RAP1GDS1: variants seen among roughly 807,000 people sequenced by gnomAD.
RAP1GDS1 encodes Rap1 GTPase-GDP dissociation stimulator 1, also known as RAP1, GTP-GDP dissociation stimulator 1.
Under a neutral mutation model 71.1 loss-of-function variants are expected in RAP1GDS1, and 35 were observed. The observed-to-expected ratio is 0.49, with a 90% CI of 0.38 to 0.65. RAP1GDS1 has a LOEUF of 0.65. Ranked by LOEUF, RAP1GDS1 falls within the 30% of genes least tolerant of loss-of-function variation. The pLI, the probability that RAP1GDS1 is intolerant of heterozygous loss-of-function variation, is 0.00. For missense variants in RAP1GDS1, 663 were observed against 706.1 expected (o/e 0.94, Z 0.69); for synonymous variants, 229 against 243.1 (o/e 0.94, Z 0.54).
At chr4:98,437,835 A>G (rs1234510412) in intron 14 of RAP1GDS1, among the ~76,000 whole-genome samples, 1 of 151,608 alleles carries the variant, frequency 6.6e-6, no homozygotes, top group Non-Finnish European at 1.5e-5. Context: ...TCATTGGTAT[A>G]TCTTCTATGG....
At chr4:98,337,310 TCTTA>T in intron 2 of RAP1GDS1, among the ~76,000 whole-genome samples, 1 of 152,362 alleles carries the variant, frequency 6.6e-6, no homozygotes, top group African/African-American at 2.4e-5. Context: ...CACTCAGTTG[TCTTA>T]CTTTAGTTCT....
intron 5 of RAP1GDS1, among the ~76,000 whole-genome samples, chr4:98,387,684 G>T (rs1033616601): frequency 6.6e-6 from 1 of 152,190 alleles, no homozygotes; most frequent in African/African-American, 2.4e-5. Context: ...TGTCTGTGAT[G>T]TGTGTCAGGA....
At chr4:98,397,452 G>A (rs899048457) in intron 6 of RAP1GDS1, among the ~76,000 whole-genome samples, 12 of 152,142 alleles carry the variant, frequency 7.9e-5, no homozygotes, top group South Asian at 4.1e-4. Flanking sequence ...GCGTAACATA[G>A]TGAGACCTCC....
rs542040941 is a variant in RAP1GDS1 at position 98,349,129 on chromosome 4, T to G, written c.236-3347T>G. Among the ~76,000 whole-genome samples the G allele has an allele frequency of 3.9e-5, 6 of 152,352 alleles. No homozygotes were observed. In the East Asian group the frequency reaches 1.2e-3, roughly 29 times the overall value. Reference sequence around the variant, plus strand: ...TAACATTTAAGTCTTTAATCCATCTTGAATGAATTTTTGTATAAGGTGTAA... The same window carrying G: ...TAACATTTAAGTCTTTAATCCATCTGGAATGAATTTTTGTATAAGGTGTAA... On this transcript the variant is annotated intron_variant, in intron 3 of 14. Transcript: ENST00000408927.
At position 98,352,601 on chromosome 4, in the gene RAP1GDS1, C is replaced by T; in HGVS notation, c.361C>T (p.His121Tyr). 3.1e-6 allele frequency: 5 copies of T among 1,613,164 alleles called. No individual in the cohort carries two copies. The highest frequency in any genetic ancestry group is 2.2e-5 in the East Asian group (1 of 44,856). ...TCTAGGAAACATATGTTACGATAGC[C>T]GTAAGTGTTGACATCTCAATAATAC... ...RALGNICYDS[H>Y]EGRSAVDQAG... is the part of the protein sequence containing the mutation. Residue 121 changes from histidine (H) to tyrosine (Y), a missense_variant and splice_region_variant, in exon 4 of 15, where the codon CAT (histidine) becomes TAT (tyrosine). Coordinates refer to ENST00000408927, the MANE Select transcript of RAP1GDS1 (RefSeq NM_001100427.2).
intron 7 of RAP1GDS1, among the ~76,000 whole-genome samples, chr4:98,415,578 T>C (rs185002718): frequency 6.6e-6 from 1 of 152,274 alleles, no homozygotes; most frequent in East Asian, 1.9e-4. Context: ...GAGACAGATA[T>C]GGAGGCAAAT....
At chr4:98,348,001 A>G (rs1736551785) in intron 3 of RAP1GDS1, among the ~76,000 whole-genome samples, 1 of 152,152 alleles carries the variant, frequency 6.6e-6, no homozygotes, top group Non-Finnish European at 1.5e-5. Context: ...GTTCTAGGGT[A>G]CATGTGCACA....
intron 1 of RAP1GDS1, among the ~76,000 whole-genome samples, chr4:98,264,162 G>A (rs11726518): frequency 3.3e-5 from 5 of 152,068 alleles, no homozygotes; most frequent in African/African-American, 4.8e-5. Flanking sequence ...AGGCCGAGGC[G>A]GGCGGATCAC....
chr4:98,336,275 C>T (rs1210348488), intron 2 of RAP1GDS1, among the ~76,000 whole-genome samples: 1 of 152,106 alleles, frequency 6.6e-6, no homozygotes, highest in East Asian at 1.9e-4. Flanking sequence ...ATGGTGTTTA[C>T]ATTCTCAATA....
intron 4 of RAP1GDS1, among the ~76,000 whole-genome samples, chr4:98,363,478 C>CAAAAGAAAGAAAAAAA (rs1739047165): frequency 2.7e-5 from 1 of 37,734 alleles, no homozygotes; most frequent in African/African-American, 9.9e-5. Flanking sequence ...GACCCTGTCT[C>CAAAAGAAAGAAAAAAA]AAAAAAAAAA....
At chr4:98,391,685 T>G (rs892487369) in intron 5 of RAP1GDS1, among the ~76,000 whole-genome samples, 1 of 152,128 alleles carries the variant, frequency 6.6e-6, no homozygotes, top group Non-Finnish European at 1.5e-5. Context: ...AAGACCCCAT[T>G]TAGAAAACTA....
intron 5 of RAP1GDS1, among the ~76,000 whole-genome samples, chr4:98,387,978 T>C (rs1425812903): frequency 6.6e-6 from 1 of 152,196 alleles, no homozygotes; most frequent in Non-Finnish European, 1.5e-5. Context: ...AAAGTCATAC[T>C]CCTGATAACA....
At chr4:98,321,520 A>G (rs1030469694) in intron 2 of RAP1GDS1, among the ~76,000 whole-genome samples, 2 of 144,836 alleles carry the variant, frequency 1.4e-5, no homozygotes, top group Non-Finnish European at 1.5e-5. Flanking sequence ...GCAGCCAGAG[A>G]GAAAGGTCGG....
chr4:98,282,347 T>C (rs992014924), intron 1 of RAP1GDS1, among the ~76,000 whole-genome samples: 4 of 152,196 alleles, frequency 2.6e-5, no homozygotes, highest in Non-Finnish European at 4.4e-5. Context: ...GGAGGGTGTA[T>C]GTGTCCAGGA....
intron 2 of RAP1GDS1, among the ~76,000 whole-genome samples, chr4:98,323,466 C>A: frequency 9.0e-6 from 1 of 110,680 alleles, no homozygotes; most frequent in African/African-American, 3.8e-5. Context: ...AGAGACACAA[C>A]CAAAAAAGAG....
chr4:98,423,480 G>T (rs1004107253), intron 12 of RAP1GDS1, among the ~76,000 whole-genome samples: 3 of 152,108 alleles, frequency 2.0e-5, no homozygotes, highest in Non-Finnish European at 4.4e-5. Context: ...CACTTAAAGG[G>T]TTTTAAGCAG....
intron 7 of RAP1GDS1, among the ~76,000 whole-genome samples, chr4:98,406,964 C>T (rs969085801): frequency 6.6e-6 from 1 of 151,944 alleles, no homozygotes; most frequent in Admixed American, 6.5e-5. Context: ...TCAGATCTTA[C>T]GTGTTACAAG....
At chr4:98,288,315 AATG>A (rs1726350994) in intron 1 of RAP1GDS1, among the ~76,000 whole-genome samples, 1 of 152,090 alleles carries the variant, frequency 6.6e-6, no homozygotes, top group Admixed American at 6.6e-5. Flanking sequence ...GTTTGCTGAG[AATG>A]ATGGTTTCCA....
At chr4:98,338,656 A>C (rs6846417) in intron 2 of RAP1GDS1, among the ~76,000 whole-genome samples, 24,270 of 152,128 alleles carry the variant, frequency 0.16, 3,108 homozygotes, top group African/African-American at 0.35. Context: ...TATTGTTCTC[A>C]TAACTCTAAG....
Sources: gnomAD v4.1 joint callset for allele counts (sites outside exome capture counted in the v4.1 genomes callset) on GRCh38, gnomAD v4.1.1 for gene constraint, MANE v1.5 for transcripts, NCBI Gene and HGNC (gene_info 2026-07-23, HGNC 2026-07-21) for gene names.